DNER: variants seen among roughly 807,000 people sequenced by gnomAD.
The protein encoded by DNER is delta and Notch-like epidermal growth factor-related receptor.
Under a neutral mutation model 78.2 loss-of-function variants are expected in DNER, and 33 were observed. The observed-to-expected ratio is 0.42, with a 90% CI of 0.32 to 0.56. The LOEUF (loss-of-function observed/expected upper bound fraction) is 0.56, where lower values mean the gene tolerates loss of function less well. DNER is among the 20% of genes least tolerant of loss of function. The pLI, the probability that DNER is intolerant of heterozygous loss-of-function variation, is 0.11. For synonymous variants in DNER, 417 were observed against 384.8 expected (o/e 1.08, Z -0.98); for missense variants, 918 against 975.3 (o/e 0.94, Z 0.78).
chr2:229,528,523 G>T (rs1482597361), intron 5 of DNER, among the ~76,000 whole-genome samples: 5 of 152,150 alleles, frequency 3.3e-5, no homozygotes, highest in Non-Finnish European at 7.3e-5. Flanking sequence ...AGGCTCTTGG[G>T]AAATAAGAAG....
intron 1 of DNER, among the ~76,000 whole-genome samples, chr2:229,645,563 A>C (rs529962432): frequency 6.6e-6 from 1 of 152,322 alleles, no homozygotes; most frequent in East Asian, 1.9e-4. Context: ...ATAGTACCTG[A>C]AATGTAGGAC....
intron 1 of DNER, among the ~76,000 whole-genome samples, chr2:229,655,064 A>G (rs892018119): frequency 6.6e-6 from 1 of 152,186 alleles, no homozygotes; most frequent in African/African-American, 2.4e-5. Flanking sequence ...TGAACAATTT[A>G]CTAACCTAGT....
chr2:229,658,726 A>G (rs1197753834), intron 1 of DNER, among the ~76,000 whole-genome samples: 1 of 152,184 alleles, frequency 6.6e-6, no homozygotes, highest in African/African-American at 2.4e-5. Context: ...CAGTGCCCAG[A>G]CACCAAAAAT....
intron 5 of DNER, among the ~76,000 whole-genome samples, chr2:229,517,279 C>T (rs139574789): frequency 3.9e-5 from 6 of 152,302 alleles, no homozygotes; most frequent in African/African-American, 1.2e-4. Context: ...ACAAGACCCT[C>T]TCCTGGGGTT....
intron 1 of DNER, among the ~76,000 whole-genome samples, chr2:229,689,125 A>T (rs1479150135): frequency 6.6e-6 from 1 of 152,196 alleles, no homozygotes; most frequent in African/African-American, 2.4e-5. Flanking sequence ...TGCACACTGC[A>T]CATGTACCCC....
chr2:229,548,699 A>G (rs1462805773), intron 4 of DNER, among the ~76,000 whole-genome samples: 2 of 152,188 alleles, frequency 1.3e-5, no homozygotes, highest in East Asian at 1.9e-4. Flanking sequence ...CTATGTAACC[A>G]AACTGCACGT....
At chr2:229,374,249 G>A (rs1004755571) in intron 11 of DNER, among the ~76,000 whole-genome samples, 2 of 141,248 alleles carry the variant, frequency 1.4e-5, no homozygotes, top group East Asian at 5.3e-4. Context: ...AGGGAGTAAG[G>A]AAAGGAAGGG....
At chr2:229,700,482 T>G (rs1362752479) in intron 1 of DNER, among the ~76,000 whole-genome samples, 1 of 151,926 alleles carries the variant, frequency 6.6e-6, no homozygotes, top group Non-Finnish European at 1.5e-5. Context: ...TTTATAGGTG[T>G]GTGCTACCAC....
At chr2:229,589,213 T>G (rs1223967531) in intron 2 of DNER, among the ~76,000 whole-genome samples, 2 of 152,030 alleles carry the variant, frequency 1.3e-5, no homozygotes, top group Non-Finnish European at 2.9e-5. Context: ...ATTACTGTCC[T>G]CCCCCATGTC....
At chr2:229,523,132 C>A (rs562563320) in intron 5 of DNER, among the ~76,000 whole-genome samples, 1 of 152,138 alleles carries the variant, frequency 6.6e-6, no homozygotes, top group African/African-American at 2.4e-5. Context: ...GGGGTGACCC[C>A]CTAAGGCCTC....
chr2:229,705,056 G>T (rs1231029376), intron 1 of DNER, among the ~76,000 whole-genome samples: 1 of 152,094 alleles, frequency 6.6e-6, no homozygotes, highest in Non-Finnish European at 1.5e-5. Context: ...CAACGCGGTG[G>T]GATACTAGGA....
At chr2:229,492,843 T>C (rs1695429602) in intron 6 of DNER, among the ~76,000 whole-genome samples, 4 of 152,002 alleles carry the variant, frequency 2.6e-5, no homozygotes, top group South Asian at 4.2e-4. Context: ...TAAGCTTTTT[T>C]TATTTTTCAT....
chr2:229,569,946 C>T (rs184595401), intron 4 of DNER, among the ~76,000 whole-genome samples: 4 of 152,158 alleles, frequency 2.6e-5, no homozygotes, highest in Admixed American at 6.5e-5. Flanking sequence ...TAAAACAAGT[C>T]GAAACCAAAC....
chr2:229,579,978 C>T (rs1474231891), intron 4 of DNER, among the ~76,000 whole-genome samples: 1 of 152,110 alleles, frequency 6.6e-6, no homozygotes, highest in Non-Finnish European at 1.5e-5. Context: ...AGTCTTATTC[C>T]TCCTTGTACC....
At chr2:229,516,718 G>A (rs1236650692) in intron 5 of DNER, among the ~76,000 whole-genome samples, 1 of 150,266 alleles carries the variant, frequency 6.7e-6, no homozygotes, top group Non-Finnish European at 1.5e-5. Context: ...CCAGGAATTC[G>A]AGGTTGCAGT....
At chr2:229,680,793 C>A (rs116351529) in intron 1 of DNER, among the ~76,000 whole-genome samples, 1 of 152,240 alleles carries the variant, frequency 6.6e-6, no homozygotes, top group Non-Finnish European at 1.5e-5. Flanking sequence ...TCACATAATT[C>A]TCTTTCAACA....
Position 229,604,807 on chromosome 2 carries a change from C to G in DNER, c.277-12919G>C, listed in dbSNP as rs942333592. Among the ~76,000 whole-genome samples, 5 of 152,148 alleles carry G rather than the reference C, an allele frequency of 3.3e-5. No homozygotes were observed. In the East Asian group the frequency reaches 9.6e-4, roughly 29 times the overall value. ...TCTTTGGGTATCCAACTTCATTTAT[C>G]TGGAGATAAGCCTTCTATATACAGC... On this transcript the variant is annotated intron_variant, in intron 1 of 12. Transcript: ENST00000341772.
intron 1 of DNER, among the ~76,000 whole-genome samples, chr2:229,640,249 G>A (rs1456103562): frequency 2.6e-5 from 4 of 152,208 alleles, no homozygotes; most frequent in Non-Finnish European, 5.9e-5. Flanking sequence ...GCAGGCCTTC[G>A]CCTCCTCTGT....
intron 8 of DNER, among the ~76,000 whole-genome samples, chr2:229,437,990 A>G (rs1694158814): frequency 6.6e-6 from 1 of 152,200 alleles, no homozygotes; most frequent in Admixed American, 6.5e-5. Flanking sequence ...TTATGTCTGC[A>G]TTTCTCATTT....
Sources: allele counts gnomAD v4.1 joint callset (sites outside exome capture counted in the v4.1 genomes callset), GRCh38; gene constraint gnomAD v4.1.1; transcripts MANE v1.5; gene names NCBI Gene and HGNC (gene_info 2026-07-23, HGNC 2026-07-21).